Variants in CACNA1E observed in about 807,000 individuals in gnomAD.
CACNA1E encodes the protein voltage-dependent R-type calcium channel subunit alpha-1E.
CACNA1E carries 40 observed loss-of-function variants against 259.2 expected under a neutral mutation model. The observed-to-expected ratio is 0.15, with a 90% CI of 0.12 to 0.20. The LOEUF is 0.20. Ranked by LOEUF, CACNA1E falls within the 10% of genes least tolerant of loss-of-function variation. The pLI, the probability that CACNA1E is intolerant of heterozygous loss-of-function variation, is 1.00. For synonymous variants in CACNA1E, 1,104 were observed against 1,138.5 expected (o/e 0.97, Z 0.61); for missense variants, 1,874 against 3,040.1 (o/e 0.62, Z 9.02).
intron 3 of CACNA1E, among the ~76,000 whole-genome samples, chr1:181,546,686 T>A (rs969711512): frequency 3.3e-5 from 5 of 152,150 alleles, no homozygotes; most frequent in Non-Finnish European, 7.3e-5. Context: ...CACCCTCTTC[T>A]CTACACAAAA....
intron 3 of CACNA1E, among the ~76,000 whole-genome samples, chr1:181,548,965 C>G (rs957784153): frequency 6.6e-6 from 1 of 152,160 alleles, no homozygotes; most frequent in East Asian, 1.9e-4. Context: ...TTTCAAGCCC[C>G]GAAACTGAGA....
At chr1:181,398,405 C>T (rs1371219793) in intron 1 of CACNA1E, among the ~76,000 whole-genome samples, 1 of 152,220 alleles carries the variant, frequency 6.6e-6, no homozygotes, top group Non-Finnish European at 1.5e-5. Flanking sequence ...CATGCTCACA[C>T]TTTATTTTAT....
At chr1:181,712,768 C>T (rs1439004315) in intron 8 of CACNA1E, among the ~76,000 whole-genome samples, 2 of 152,000 alleles carry the variant, frequency 1.3e-5, no homozygotes, top group Non-Finnish European at 2.9e-5. Context: ...CTTGATGGTC[C>T]CAGCTGTCCT....
chr1:181,609,310 G>C (rs1654529946), intron 6 of CACNA1E, among the ~76,000 whole-genome samples: 1 of 152,174 alleles, frequency 6.6e-6, no homozygotes, highest in Non-Finnish European at 1.5e-5. Context: ...ACAAAGAATG[G>C]CAGTGGGCTT....
intron 3 of CACNA1E, among the ~76,000 whole-genome samples, chr1:181,540,612 A>G (rs1668508222): frequency 6.6e-6 from 1 of 152,350 alleles, no homozygotes; most frequent in Non-Finnish European, 1.5e-5. Context: ...TAGAACGCTC[A>G]TGTGAGAGGT....
chr1:181,761,111 G>C (rs752429939), intron 32 of CACNA1E, among the ~76,000 whole-genome samples: 1 of 152,166 alleles, frequency 6.6e-6, no homozygotes, highest in African/African-American at 2.4e-5. Context: ...TGCCCCATAG[G>C]TACATGTGGC....
At chr1:181,618,026 G>C (rs1038925053) in intron 6 of CACNA1E, among the ~76,000 whole-genome samples, 5 of 152,034 alleles carry the variant, frequency 3.3e-5, no homozygotes, top group Non-Finnish European at 2.9e-5. Context: ...CCCCTGCCTT[G>C]CTTCAGAGGC....
chr1:181,603,506 C>T (rs1032588477), intron 6 of CACNA1E, among the ~76,000 whole-genome samples: 1 of 152,142 alleles, frequency 6.6e-6, no homozygotes, highest in African/African-American at 2.4e-5. Flanking sequence ...ATGAGGCATG[C>T]ATGTGTGAAC....
intron 7 of CACNA1E, among the ~76,000 whole-genome samples, chr1:181,687,151 C>T (rs73043434): frequency 0.031 from 4,698 of 152,228 alleles, 105 homozygotes; most frequent in African/African-American, 0.061. Context: ...ATCTAACCTC[C>T]AGTGGCAGAT....
In CACNA1E at chr1:181,758,631, T is replaced by C; in HGVS notation, c.4495-127T>C. The C allele has an allele frequency of 1.7e-6, 1 of 585,328 alleles. No homozygotes were observed. The highest frequency in any genetic ancestry group is 3.0e-6 in the Non-Finnish European group (1 of 328,524). 36.3% of individuals were successfully genotyped at this position (585,328 alleles called of 1,614,324 possible). A position where few individuals can be genotyped will look rare whatever the true frequency, so the allele number is the denominator to read the frequency against. On this transcript the variant is annotated intron_variant, in intron 31 of 47. Transcript: ENST00000367573. This position sits in a 1 kb window ranked among gnomAD's most constrained non-coding sequence, Gnocchi z 4.2. ...CTCTCCAGCACTCGAAGTCCATCTC[T>C]CCTCCTGTACCACACACCAGAGTGT... is the stretch of plus-strand genomic sequence containing the variant.
At chr1:181,741,430 C>T (rs1448076173) in intron 25 of CACNA1E, among the ~76,000 whole-genome samples, 1 of 152,162 alleles carries the variant, frequency 6.6e-6, no homozygotes, top group Non-Finnish European at 1.5e-5. Context: ...TGTTGATTCC[C>T]CTCCTCATCC....
intron 17 of CACNA1E, among the ~76,000 whole-genome samples, chr1:181,725,840 A>T (rs1226902602): frequency 2.0e-5 from 3 of 152,164 alleles, no homozygotes; most frequent in Non-Finnish European, 2.9e-5. Context: ...GGAGACAGGG[A>T]TTGCTGGCCA....
In CACNA1E at chr1:181,717,262, T is replaced by G. The variant is rs1472799291; in HGVS notation, c.1485T>G (p.Ile495Met). Residue 495 changes from isoleucine to methionine, a missense_variant, in exon 11 of 48, where the codon ATT becomes ATG. Physicochemically the swap from Ile to Met is conservative, Grantham distance 10. Coordinates refer to ENST00000367573, the MANE Select transcript of CACNA1E (RefSeq NM_001205293.3). ...LVALNTACVA[I>M]VHHNQPQWLT... ...CACTCAACACTGCCTGTGTGGCCAT[T>G]GTCCATCACAACCAGCCCCAGTGGC... 6.2e-7 allele frequency: 1 copy of G among 1,613,964 alleles called. No individual in the cohort carries two copies. The highest frequency in any genetic ancestry group is 1.7e-5 in the Admixed American group (1 of 60,026).
At chr1:181,404,163 TC>T (rs1197442590) in intron 1 of CACNA1E, among the ~76,000 whole-genome samples, 1 of 152,158 alleles carries the variant, frequency 6.6e-6, no homozygotes, top group Non-Finnish European at 1.5e-5. Flanking sequence ...CTGGAGCCCA[TC>T]CCCCAAACTG....
chr1:181,529,237 G>A (rs1412106339), intron 3 of CACNA1E, among the ~76,000 whole-genome samples: 1 of 148,184 alleles, frequency 6.7e-6, no homozygotes, highest in Non-Finnish European at 1.5e-5. Flanking sequence ...GCTTCCACAT[G>A]GTGTTGAGTC....
chr1:181,415,315 GGATGTCAA>G (rs1356521463), intron 2 of CACNA1E, among the ~76,000 whole-genome samples: 1 of 152,176 alleles, frequency 6.6e-6, no homozygotes, highest in African/African-American at 2.4e-5. Flanking sequence ...ACTGATTGGA[GGATGTCAA>G]GATCTAGTAC....
intron 3 of CACNA1E, among the ~76,000 whole-genome samples, chr1:181,564,831 G>GT (rs1649662299): frequency 6.6e-6 from 1 of 151,928 alleles, no homozygotes; most frequent in Non-Finnish European, 1.5e-5. Context: ...ATTAATCTTT[G>GT]TTTCCATCAG....
chr1:181,729,615 T>C (rs1655278243), intron 18 of CACNA1E, among the ~76,000 whole-genome samples: 1 of 152,232 alleles, frequency 6.6e-6, no homozygotes, highest in South Asian at 2.1e-4. Context: ...CTGCCCTTCC[T>C]ATCCCACAAG....
intron 1 of CACNA1E, among the ~76,000 whole-genome samples, chr1:181,488,145 G>T (rs1272457665): frequency 6.6e-6 from 1 of 152,136 alleles, no homozygotes; most frequent in Non-Finnish European, 1.5e-5. Flanking sequence ...TTTGGTGAGG[G>T]TTACCAAAAG....
Sources: gnomAD v4.1 joint callset for allele counts (sites outside exome capture counted in the v4.1 genomes callset) on GRCh38, gnomAD v4.1.1 for gene constraint, Gnocchi (gnomAD v3.1) non-coding constraint, MANE v1.5 for transcripts, NCBI Gene and HGNC (gene_info 2026-07-23, HGNC 2026-07-21) for gene names.